WT1: variants seen among roughly 807,000 people sequenced by gnomAD.
WT1 encodes the protein Wilms tumor protein.
In WT1, 8 loss-of-function variants were observed where a neutral mutation model predicts 60.8. The observed-to-expected ratio is 0.13, with a 90% CI of 0.08 to 0.24. WT1 has a LOEUF of 0.24. Ranked by LOEUF, WT1 falls within the 10% of genes least tolerant of loss-of-function variation. The pLI is 1.00. For missense variants in WT1, 568 were observed against 711.8 expected (o/e 0.80, Z 2.30); for synonymous variants, 312 against 297.1 (o/e 1.05, Z -0.52).
chr11:32,427,905 G>A (rs778743616), intron 3 of WT1, 51 bp downstream of exon 3: 4 of 1,541,984 alleles, frequency 2.6e-6, no homozygotes, highest in Non-Finnish European at 3.5e-6. Context: ...CGGCTCATGC[G>A]TCCCCTCCGG....
At chr11:32,406,724 G>C (rs960396681) in intron 5 of WT1, among the ~76,000 whole-genome samples, 2 of 152,138 alleles carry the variant, frequency 1.3e-5, no homozygotes, top group African/African-American at 4.8e-5. Context: ...GCAGTGGCCT[G>C]GACTGTACAT....
intron 5 of WT1, among the ~76,000 whole-genome samples, chr11:32,404,016 G>A (rs1852235867): frequency 6.6e-6 from 1 of 152,062 alleles, no homozygotes; most frequent in South Asian, 2.1e-4. Flanking sequence ...GCTCACGCCT[G>A]TAATCCCAGC....
chr11:32,390,211 A>G (rs944468171), intron 9 of WT1, among the ~76,000 whole-genome samples: 5 of 152,190 alleles, frequency 3.3e-5, no homozygotes, highest in African/African-American at 1.2e-4. Context: ...CACCTGACGG[A>G]TCTTCTCAGA....
chr11:32,419,945 C>T (rs948854134), intron 3 of WT1, among the ~76,000 whole-genome samples: 6 of 152,200 alleles, frequency 3.9e-5, no homozygotes, highest in Non-Finnish European at 5.9e-5. Flanking sequence ...CCACCCGCCT[C>T]AGCCTCCCAA....
chr11:32,429,462 TCCC>T (rs10580209), intron 1 of WT1, among the ~76,000 whole-genome samples: 7,252 of 124,700 alleles, frequency 0.058, 445 homozygotes, highest in African/African-American at 0.12. Flanking sequence ...ATCCTAGCAT[TCCC>T]CCCCCCCCCC....
chr11:32,398,101 G>T (rs777879667), intron 6 of WT1, among the ~76,000 whole-genome samples: 2 of 152,152 alleles, frequency 1.3e-5, no homozygotes, highest in Non-Finnish European at 2.9e-5. Context: ...TCCCTAAACC[G>T]TCGTCAGATT....
At chr11:32,409,989 C>T (rs752863152) in intron 5 of WT1, among the ~76,000 whole-genome samples, 30 of 152,192 alleles carry the variant, frequency 2.0e-4, no homozygotes, top group Non-Finnish European at 4.1e-4. Flanking sequence ...TGCAGTGGCA[C>T]GATCTCGGCT....
At chr11:32,412,628 A>G (rs1466021364) in intron 5 of WT1, among the ~76,000 whole-genome samples, 3 of 151,430 alleles carry the variant, frequency 2.0e-5, no homozygotes. Context: ...AAAGCAGATA[A>G]CACAAGGCAC....
chr11:32,405,587 AG>A (rs1483802606), intron 5 of WT1, among the ~76,000 whole-genome samples: 3 of 151,070 alleles, frequency 2.0e-5, no homozygotes, highest in Non-Finnish European at 2.9e-5. Context: ...TTCAATCCTT[AG>A]AACCCTAGGA....
At chr11:32,400,593 G>A (rs1352245721) in intron 5 of WT1, 6 of 216,720 alleles carry the variant, frequency 2.8e-5, no homozygotes, top group African/African-American at 1.1e-4. Context: ...TTAACTCTTG[G>A]TAGCCAGCCT....
At chr11:32,389,482 G>A (rs769835509) in intron 9 of WT1, among the ~76,000 whole-genome samples, 6 of 152,206 alleles carry the variant, frequency 3.9e-5, no homozygotes, top group Admixed American at 2.6e-4. Context: ...GGGGAAAAAC[G>A]TTTGTTTCAG....
intron 1 of WT1, chr11:32,428,999 C>T (rs2133078075): frequency 2.9e-6 from 1 of 343,728 alleles, no homozygotes; most frequent in East Asian, 7.0e-5. Context: ...AGCTCTTCCG[C>T]AGGAGCAGCG....
At chr11:32,428,465 GAGA>G (rs1564995417) in intron 2 of WT1, 29 bp downstream of exon 2, 7 of 1,613,604 alleles carry the variant, frequency 4.3e-6, no homozygotes, top group Non-Finnish European at 3.4e-6. Context: ...GGAAGAAGGG[GAGA>G]AGGACTCCAC....
At chr11:32,420,263 G>A (rs1852812835) in intron 3 of WT1, among the ~76,000 whole-genome samples, 1 of 152,142 alleles carries the variant, frequency 6.6e-6, no homozygotes, top group East Asian at 1.9e-4. Flanking sequence ...CTTGTGTTAT[G>A]TTTCTATTGG....
intron 5 of WT1, among the ~76,000 whole-genome samples, chr11:32,410,534 T>C (rs1852464163): frequency 6.6e-6 from 1 of 152,206 alleles, no homozygotes; most frequent in Admixed American, 6.5e-5. Context: ...TCCAGAATTT[T>C]TTCTCTGAAG....
At chr11:32,412,923 C>T (rs966547434) in intron 5 of WT1, among the ~76,000 whole-genome samples, 7 of 152,054 alleles carry the variant, frequency 4.6e-5, no homozygotes, top group Admixed American at 2.0e-4. Context: ...TATCCCACCT[C>T]TAACACAGCA....
intron 8 of WT1, 84 bp downstream of exon 8, chr11:32,392,582 C>T (rs1318080141): frequency 7.5e-7 from 1 of 1,335,060 alleles, no homozygotes; most frequent in Non-Finnish European, 1.1e-6. Flanking sequence ...CTCTCTCATT[C>T]ATATTCAACA....
intron 5 of WT1, among the ~76,000 whole-genome samples, chr11:32,412,423 C>T (rs1852529768): frequency 6.6e-6 from 1 of 152,120 alleles, no homozygotes; most frequent in Non-Finnish European, 1.5e-5. Flanking sequence ...ATTTCCCACT[C>T]CCCCTACCCG....
chr11:32,403,348 G>T lies in WT1; in HGVS notation c.1017-3304C>A, dbSNP rs544500388. ...TAAATAAGTTTTTAAAAAGCAACTC[G>T]GTCTGGGAACCATAGACTAATAGAG... On this transcript the variant is annotated intron_variant, in intron 5 of 9. Coordinates refer to ENST00000452863, the MANE Select transcript of WT1 (RefSeq NM_024426.6). Among the ~76,000 whole-genome samples, 55 of 152,018 alleles carry T rather than the reference G, an allele frequency of 3.6e-4. 1 individual carries two copies. The highest frequency in any genetic ancestry group is 7.2e-4 in the Admixed American group (11 of 15,274).
Sources: gnomAD v4.1 joint callset for allele counts (sites outside exome capture counted in the v4.1 genomes callset) on GRCh38, gnomAD v4.1.1 for gene constraint, MANE v1.5 for transcripts, NCBI Gene and HGNC (gene_info 2026-07-23, HGNC 2026-07-21) for gene names.